Variants in CNTN5 observed in about 807,000 individuals in gnomAD.
CNTN5 encodes contactin 5.
Under a neutral mutation model 129.1 loss-of-function variants are expected in CNTN5, and 77 were observed. The ratio of observed to expected loss-of-function variants is 0.60; its 90% CI spans 0.50 to 0.72. The LOEUF (loss-of-function observed/expected upper bound fraction) is 0.72. CNTN5 is among the 30% of genes least tolerant of loss of function. The pLI is 0.00. For synonymous variants in CNTN5, 509 were observed against 465.6 expected (o/e 1.09, Z -1.20); for missense variants, 1,478 against 1,328.8 (o/e 1.11, Z -1.75).
chr11:99,050,502 C>A (rs1864383736), intron 1 of CNTN5, among the ~76,000 whole-genome samples: 2 of 151,206 alleles, frequency 1.3e-5, no homozygotes, highest in African/African-American at 4.9e-5. Context: ...TAGAAAAAAA[C>A]CTGGAGAACA....
intron 7 of CNTN5, among the ~76,000 whole-genome samples, chr11:99,928,174 T>C (rs1950106943): frequency 6.6e-6 from 1 of 152,186 alleles, no homozygotes; most frequent in Admixed American, 6.5e-5. Flanking sequence ...CTTGGGCAAC[T>C]CCGCCCCTTA....
At chr11:100,041,591 G>T (rs974172379) in intron 9 of CNTN5, among the ~76,000 whole-genome samples, 3 of 152,162 alleles carry the variant, frequency 2.0e-5, no homozygotes, top group Non-Finnish European at 4.4e-5. Flanking sequence ...GATTTTCTCT[G>T]GTTTGGAAGA....
chr11:99,792,573 G>GTGCGTCTGTC lies in CNTN5; in HGVS notation c.56-26969_56-26968insCGTCTGTCTG, dbSNP rs1555113493. On this transcript the variant is annotated intron_variant, in intron 3 of 24. Transcript: ENST00000524871. ...TGTGTGTGTGTGTGTGTGTGTGTGT[G>GTGCGTCTGTC]TGTCTGTCTGTCTGTCTGTCTGTCT... Among the ~76,000 whole-genome samples, 124 of 116,688 alleles carry GTGCGTCTGTC rather than the reference G, an allele frequency of 1.1e-3. 1 individual carries two copies. The highest frequency in any genetic ancestry group is 4.1e-3 in the African/African-American group (113 of 27,272). 76.6% of individuals were successfully genotyped at this position (116,688 alleles called of 152,430 possible).
At chr11:99,825,373 G>A (rs1454378301) in intron 4 of CNTN5, among the ~76,000 whole-genome samples, 1 of 151,862 alleles carries the variant, frequency 6.6e-6, no homozygotes, top group African/African-American at 2.4e-5. Context: ...AATTTCTCAA[G>A]TATAACATTA....
intron 3 of CNTN5, among the ~76,000 whole-genome samples, chr11:99,653,966 C>G (rs1009751367): frequency 6.6e-6 from 1 of 151,562 alleles, no homozygotes; most frequent in Non-Finnish European, 1.5e-5. Context: ...GGCAGTTCAA[C>G]TGCTGTTATT....
At chr11:99,963,933 G>T (rs1309341774) in intron 8 of CNTN5, among the ~76,000 whole-genome samples, 1 of 152,064 alleles carries the variant, frequency 6.6e-6, no homozygotes, top group Non-Finnish European at 1.5e-5. Context: ...GTGAATGGGA[G>T]TTCACTCATG....
At chr11:99,601,484 T>G (rs1339907877) in intron 3 of CNTN5, among the ~76,000 whole-genome samples, 1 of 152,188 alleles carries the variant, frequency 6.6e-6, no homozygotes, top group East Asian at 1.9e-4. Context: ...CCTTCTAAAC[T>G]TTGCCTAGAA....
At chr11:99,857,371 A>C (rs1239252915) in intron 6 of CNTN5, among the ~76,000 whole-genome samples, 5 of 152,310 alleles carry the variant, frequency 3.3e-5, no homozygotes, top group African/African-American at 9.6e-5. Context: ...CACAGTAGCC[A>C]CTACCCTCAA....
At chr11:99,923,333 A>T (rs1226434918) in intron 7 of CNTN5, among the ~76,000 whole-genome samples, 1 of 152,178 alleles carries the variant, frequency 6.6e-6, no homozygotes, top group African/African-American at 2.4e-5. Context: ...GATTGCCAAA[A>T]AACGTGTTTT....
chr11:100,040,714 T>G (rs529177543), intron 9 of CNTN5, among the ~76,000 whole-genome samples: 1 of 152,288 alleles, frequency 6.6e-6, no homozygotes, highest in African/African-American at 2.4e-5. Context: ...GCCTTGCAGT[T>G]TGATCTTGGA....
At chr11:99,032,273 T>C (rs1284394196) in intron 1 of CNTN5, among the ~76,000 whole-genome samples, 5 of 151,856 alleles carry the variant, frequency 3.3e-5, no homozygotes, top group African/African-American at 4.8e-5. Context: ...GTCCTTTGGG[T>C]ATATAGCCAG....
intron 9 of CNTN5, among the ~76,000 whole-genome samples, chr11:100,041,754 G>A (rs1275789983): frequency 2.0e-5 from 3 of 152,104 alleles, no homozygotes; most frequent in Non-Finnish European, 2.9e-5. Context: ...AAAAAACAAT[G>A]GTAAAAACAT....
At chr11:99,291,481 GT>G (rs1032712337) in intron 1 of CNTN5, among the ~76,000 whole-genome samples, 2 of 151,716 alleles carry the variant, frequency 1.3e-5, no homozygotes, top group African/African-American at 4.8e-5. Context: ...GTTATTTTAC[GT>G]TTTAGTTAGA....
chr11:99,270,554 C>T (rs573898684), intron 1 of CNTN5, among the ~76,000 whole-genome samples: 3 of 151,860 alleles, frequency 2.0e-5, no homozygotes, highest in South Asian at 4.1e-4. Context: ...TCTTTTTTCT[C>T]GAATGTTTCC....
intron 3 of CNTN5, among the ~76,000 whole-genome samples, chr11:99,587,413 T>A (rs1307396149): frequency 6.6e-6 from 1 of 152,142 alleles, no homozygotes; most frequent in Non-Finnish European, 1.5e-5. Flanking sequence ...AGCGACAAAT[T>A]CAATAGCAGG....
chr11:99,673,010 C>T lies in CNTN5; in HGVS notation c.55+116741C>T, dbSNP rs557547201. On this transcript the variant is annotated intron_variant, in intron 3 of 24. Coordinates refer to ENST00000524871, the MANE Select transcript of CNTN5 (RefSeq NM_014361.4). ...GGACACATTCTCTTAGGTTAGGCTA[C>T]TCAGGGAGCCTTACAGAATGGCCAT... Among the ~76,000 whole-genome samples, 4 of 152,208 alleles carry T rather than the reference C, an allele frequency of 2.6e-5. No individual in the cohort carries two copies. The South Asian group carries it at 8.3e-4, about 32-fold the overall frequency.
chr11:100,100,653 A>C (rs564943233), intron 13 of CNTN5, among the ~76,000 whole-genome samples: 4 of 152,266 alleles, frequency 2.6e-5, no homozygotes, highest in African/African-American at 9.6e-5. Flanking sequence ...TCAATCAAAA[A>C]CTACAGTTTC....
chr11:100,335,603 A>G (rs981574691), intron 21 of CNTN5, among the ~76,000 whole-genome samples: 3 of 152,128 alleles, frequency 2.0e-5, no homozygotes, highest in Non-Finnish European at 4.4e-5. Flanking sequence ...CCTCGTCTCT[A>G]TTAAAAATAC....
At chr11:99,656,284 T>C (rs751992921) in intron 3 of CNTN5, among the ~76,000 whole-genome samples, 3 of 152,136 alleles carry the variant, frequency 2.0e-5, no homozygotes, top group African/African-American at 4.8e-5. Context: ...TGCATTTTAT[T>C]GCTACTCTTT....
Sources: gnomAD v4.1 joint callset for allele counts (sites outside exome capture counted in the v4.1 genomes callset) on GRCh38, gnomAD v4.1.1 for gene constraint, MANE v1.5 for transcripts, NCBI Gene and HGNC (gene_info 2026-07-23, HGNC 2026-07-21) for gene names.